Variants in BRD10 observed in about 807,000 individuals in gnomAD.
The protein encoded by BRD10 is uncharacterized bromodomain-containing protein 10.
the BRD10 span, chr9:5,921,866 G>T: frequency 6.2e-7 from 1 of 1,613,988 alleles, no homozygotes; most frequent in Non-Finnish European, 8.5e-7. Context: ...ACCACTGCCA[G>T]TGGTGTGGCC....
chr9:5,937,146 C>T, the BRD10 span, among the ~76,000 whole-genome samples: 2 of 151,214 alleles, frequency 1.3e-5, no homozygotes, highest in Non-Finnish European at 2.9e-5. Context: ...AGGAGAATCA[C>T]TTCAACCCGG....
the BRD10 span, chr9:5,988,412 C>G: frequency 6.2e-7 from 1 of 1,613,892 alleles, no homozygotes; most frequent in Non-Finnish European, 8.5e-7. Flanking sequence ...GATTCAAAAA[C>G]TCCACTTGTC....
the BRD10 span, among the ~76,000 whole-genome samples, chr9:5,913,078 T>C: frequency 2.6e-5 from 4 of 152,206 alleles, no homozygotes; most frequent in Non-Finnish European, 5.9e-5. Context: ...ATGGTCTCTC[T>C]GATTGTTTTT....
At chr9:5,916,519 A>ATG in the BRD10 span, among the ~76,000 whole-genome samples, 33,962 of 150,104 alleles carry the variant, frequency 0.23, 3,981 homozygotes, top group South Asian at 0.35. Flanking sequence ...ATATATACAT[A>ATG]TGTGTGTATA....
chr9:5,901,102 T>C, the BRD10 span, among the ~76,000 whole-genome samples: 1 of 151,994 alleles, frequency 6.6e-6, no homozygotes. Context: ...GAGTGGATCA[T>C]ACTCTTAACC....
the BRD10 span, chr9:5,922,292 G>C: frequency 2.5e-6 from 4 of 1,613,956 alleles, no homozygotes; most frequent in South Asian, 4.4e-5. Context: ...TGATGACAGA[G>C]GCTGACCTGT....
the BRD10 span, among the ~76,000 whole-genome samples, chr9:5,956,299 T>C: frequency 2.0e-5 from 3 of 152,160 alleles, no homozygotes; most frequent in Non-Finnish European, 2.9e-5. Flanking sequence ...GGTGGTTACT[T>C]GGTATTTCAG....
the BRD10 span, among the ~76,000 whole-genome samples, chr9:5,998,786 A>C: frequency 6.6e-6 from 1 of 152,066 alleles, no homozygotes; most frequent in African/African-American, 2.4e-5. Flanking sequence ...CTTAAATATT[A>C]CTATCAATCA....
At chr9:5,880,584 G>A in the BRD10 span, among the ~76,000 whole-genome samples, 1 of 152,106 alleles carries the variant, frequency 6.6e-6, no homozygotes, top group African/African-American at 2.4e-5. Context: ...TAAAAAGTCT[G>A]AATTAGTTTT....
At chr9:5,942,065 C>T in the BRD10 span, among the ~76,000 whole-genome samples, 5 of 151,772 alleles carry the variant, frequency 3.3e-5, no homozygotes, top group Non-Finnish European at 1.5e-5. Context: ...GTTACTGGAG[C>T]CATTATCATA....
the BRD10 span, among the ~76,000 whole-genome samples, chr9:5,890,363 T>C: frequency 2.0e-4 from 30 of 152,358 alleles, no homozygotes; most frequent in Admixed American, 5.9e-4. Context: ...GTATGGGACA[T>C]AGTTGTATTA....
At chr9:5,908,663 T>A in the BRD10 span, 2 of 1,614,152 alleles carry the variant, frequency 1.2e-6, no homozygotes, top group Non-Finnish European at 8.5e-7. Flanking sequence ...CACCTGCTTA[T>A]GAGAAACTCT....
chr9:5,922,569 T>C, the BRD10 span: 2 of 1,614,012 alleles, frequency 1.2e-6, no homozygotes, highest in East Asian at 2.2e-5. Context: ...TTTATATTTG[T>C]TGTCTGTGGG....
chr9:5,965,717 A>C, the BRD10 span, among the ~76,000 whole-genome samples: 1 of 152,222 alleles, frequency 6.6e-6, no homozygotes, highest in Admixed American at 6.5e-5. Flanking sequence ...ACCTCTACTA[A>C]AGGACAATGT....
chr9:5,971,905 G>C, the BRD10 span, among the ~76,000 whole-genome samples: 686 of 151,536 alleles, frequency 4.5e-3, 6 homozygotes, highest in African/African-American at 0.016. Flanking sequence ...CTTCACAATA[G>C]GAGTGGTGAG....
chr9:5,996,822 C>G, the BRD10 span, among the ~76,000 whole-genome samples: 2 of 152,186 alleles, frequency 1.3e-5, no homozygotes, highest in Admixed American at 6.5e-5. Context: ...GAACATACTA[C>G]TACTGCTACA....
chr9:5,912,082 T>C, the BRD10 span, among the ~76,000 whole-genome samples: 1 of 152,182 alleles, frequency 6.6e-6, no homozygotes, highest in South Asian at 2.1e-4. Flanking sequence ...TGTTTTAGTT[T>C]TAATTGTAGA....
chr9:5,923,128 G>A, the BRD10 span: 1 of 1,613,946 alleles, frequency 6.2e-7, no homozygotes. Context: ...TCTCATTTGT[G>A]CTTAACTTTG....
chr9:5,998,643 A>T, the BRD10 span, among the ~76,000 whole-genome samples: 1 of 152,120 alleles, frequency 6.6e-6, no homozygotes, highest in Non-Finnish European at 1.5e-5. Flanking sequence ...AGTAAATAAT[A>T]CATGTGTACA....
Sources: allele counts gnomAD v4.1 joint callset (sites outside exome capture counted in the v4.1 genomes callset), GRCh38; gene constraint gnomAD v4.1.1; transcripts MANE v1.5; gene names NCBI Gene and HGNC (gene_info 2026-07-23, HGNC 2026-07-21).